The following PIP4K2A variants were observed in gnomAD, a reference collection of about 807,000 sequenced individuals.
PIP4K2A encodes the protein phosphatidylinositol 5-phosphate 4-kinase type-2 alpha.
Under a neutral mutation model 42.9 loss-of-function variants are expected in PIP4K2A, and 14 were observed. That is an observed-to-expected ratio of 0.33 (90% CI 0.22 to 0.51). PIP4K2A has a LOEUF of 0.51. Ranked by LOEUF, PIP4K2A falls within the 20% of genes least tolerant of loss-of-function variation. The pLI, the probability that PIP4K2A is intolerant of heterozygous loss-of-function variation, is 0.97. For synonymous variants in PIP4K2A, 192 were observed against 192.2 expected, an observed-to-expected ratio of 1.00 and a Z score of 0.01; for missense variants, 434 against 519.8, an observed-to-expected ratio of 0.83 and a Z score of 1.61.
chr10:22,636,263 G>C (rs1051007738), intron 1 of PIP4K2A, among the ~76,000 whole-genome samples: 1 of 152,032 alleles, frequency 6.6e-6, no homozygotes, highest in Non-Finnish European at 1.5e-5. Context: ...TTTATTTTTA[G>C]TTTTTAAAGA....
At chr10:22,688,596 G>A (rs1839804313) in intron 1 of PIP4K2A, among the ~76,000 whole-genome samples, 1 of 152,068 alleles carries the variant, frequency 6.6e-6, no homozygotes, top group South Asian at 2.1e-4. Flanking sequence ...GAGACTACAG[G>A]CACTCACCAC....
intron 2 of PIP4K2A, among the ~76,000 whole-genome samples, chr10:22,608,358 G>A (rs1042238963): frequency 6.6e-6 from 1 of 152,168 alleles, no homozygotes; most frequent in African/African-American, 2.4e-5. Context: ...ACAATGGCGG[G>A]AGAGTGAGTT....
rs1835915336 is a variant in PIP4K2A, at chr10:22,536,259, A to G, written c.*942T>C. On this transcript the variant is annotated 3_prime_UTR_variant, in exon 10 of 10. Transcript: ENST00000376573. ...TTTGCTGGTTTTCCCACAGTGGGAG[A>G]TGTAGATACCATTGCCCCAAACTAT... 2.5e-6 allele frequency: 1 copy of G among 396,906 alleles called. No individual in the cohort carries two copies. The highest frequency in any genetic ancestry group is 4.4e-5 in the Admixed American group (1 of 22,690). The allele number at this position is 396,906 out of a possible 1,614,324, so 24.6% of individuals were successfully genotyped here. A position where few individuals can be genotyped will look rare whatever the true frequency, so the allele number is the denominator to read the frequency against.
intron 1 of PIP4K2A, among the ~76,000 whole-genome samples, chr10:22,685,805 C>A (rs1199608441): frequency 6.6e-6 from 1 of 152,178 alleles, no homozygotes; most frequent in African/African-American, 2.4e-5. Context: ...TATCACTCGT[C>A]TGGTGCCATG....
chr10:22,685,613 G>A (rs543780148), intron 1 of PIP4K2A, among the ~76,000 whole-genome samples: 26 of 152,236 alleles, frequency 1.7e-4, no homozygotes, highest in African/African-American at 5.3e-4. Flanking sequence ...ACCCAGGGGG[G>A]CTAAGGCTGA....
intron 1 of PIP4K2A, among the ~76,000 whole-genome samples, chr10:22,656,084 T>A (rs1193642384): frequency 6.6e-6 from 1 of 152,202 alleles, no homozygotes; most frequent in Non-Finnish European, 1.5e-5. Context: ...CTTGCTGCCA[T>A]CCTCCTCTCA....
At chr10:22,686,820 G>T (rs1240103839) in intron 1 of PIP4K2A, among the ~76,000 whole-genome samples, 1 of 152,084 alleles carries the variant, frequency 6.6e-6, no homozygotes, top group African/African-American at 2.4e-5. Flanking sequence ...TACAAAGTAG[G>T]TAACATTTCA....
Position 22,706,987 on chromosome 10 carries a change from TA to T in PIP4K2A, c.144+7195del, listed in dbSNP as rs376971797. On this transcript the variant is annotated intron_variant, in intron 1 of 9. Transcript: ENST00000376573. ...TGCTACCTCTTAGCATTTAAGATATTAAAAAAAAAAATAGGATAGGCATGGT... is the reference window on the plus strand; with the variant it reads ...TGCTACCTCTTAGCATTTAAGATATTAAAAAAAAAATAGGATAGGCATGGT... Among the ~76,000 whole-genome samples the T allele has an allele frequency of 9.9e-3, 1,463 of 147,536 alleles. 9 individuals are homozygous for T. Among genetic ancestry groups the T allele is most frequent in the Non-Finnish European group, 0.012 (806 of 66,434 alleles).
At chr10:22,598,828 C>G (rs924762281) in intron 3 of PIP4K2A, among the ~76,000 whole-genome samples, 1 of 152,082 alleles carries the variant, frequency 6.6e-6, no homozygotes, top group Non-Finnish European at 1.5e-5. Flanking sequence ...AGGGAATGGA[C>G]GATGATTTAC....
At chr10:22,556,981 T>C (rs1836567945) in intron 6 of PIP4K2A, among the ~76,000 whole-genome samples, 1 of 152,194 alleles carries the variant, frequency 6.6e-6, no homozygotes, top group Non-Finnish European at 1.5e-5. Flanking sequence ...ACAACATGAA[T>C]GTGCGAAGTG....
At chr10:22,664,729 T>C (rs1839315898) in intron 1 of PIP4K2A, among the ~76,000 whole-genome samples, 2 of 152,140 alleles carry the variant, frequency 1.3e-5, no homozygotes, top group Non-Finnish European at 2.9e-5. Context: ...CATTTAGCTG[T>C]ATGCTTTCAG....
chr10:22,663,491 C>T (rs1839248143), intron 1 of PIP4K2A, among the ~76,000 whole-genome samples: 1 of 152,130 alleles, frequency 6.6e-6, no homozygotes, highest in African/African-American at 2.4e-5. Flanking sequence ...AACACATGTT[C>T]ATTGCAGAAA....
At chr10:22,694,821 A>G (rs1275121067) in intron 1 of PIP4K2A, among the ~76,000 whole-genome samples, 1 of 152,180 alleles carries the variant, frequency 6.6e-6, no homozygotes, top group Non-Finnish European at 1.5e-5. Context: ...ATAAATGTAA[A>G]AAGTTTTTTA....
chr10:22,713,385 T>C (rs1833949770), intron 1 of PIP4K2A, among the ~76,000 whole-genome samples: 1 of 151,492 alleles, frequency 6.6e-6, no homozygotes, highest in Non-Finnish European at 1.5e-5. Flanking sequence ...GACCCCCGCC[T>C]GCTGTCCCCG....
chr10:22,647,103 G>A (rs570431365), intron 1 of PIP4K2A, among the ~76,000 whole-genome samples: 1 of 152,228 alleles, frequency 6.6e-6, no homozygotes, highest in South Asian at 2.1e-4. Context: ...TTTTAAATGA[G>A]GCTTTATTGC....
chr10:22,591,889 A>G (rs1193365904), intron 3 of PIP4K2A, 108 bp from the exon 4 acceptor site: 3 of 963,308 alleles, frequency 3.1e-6, no homozygotes, highest in Non-Finnish European at 4.5e-6. Flanking sequence ...TTTCAAAAAC[A>G]TTTGTGTGTG....
At chr10:22,704,359 T>A (rs933727283) in intron 1 of PIP4K2A, among the ~76,000 whole-genome samples, 1 of 152,040 alleles carries the variant, frequency 6.6e-6, no homozygotes, top group Non-Finnish European at 1.5e-5. Flanking sequence ...CTTGAGCAGT[T>A]TCCTAGGTGT....
rs1250940449 is a variant in PIP4K2A, at chr10:22,535,842, C to T, written c.*1359G>A. On this transcript the variant is annotated 3_prime_UTR_variant, in exon 10 of 10. Coordinates refer to ENST00000376573, the MANE Select transcript of PIP4K2A (RefSeq NM_005028.5). ...TTCATAAACCAGACTGGGGCGAAAT[C>T]TCTTTTTAAAAAAATCAATCATTAG... 3.0e-6 allele frequency: 1 copy of T among 332,868 alleles called. No homozygotes were observed. Among genetic ancestry groups the T allele is most frequent in the East Asian group, 4.3e-5 (1 of 23,086 alleles). The allele number at this position is 332,868 out of a possible 1,614,324, so 20.6% of individuals were successfully genotyped here.
intron 1 of PIP4K2A, among the ~76,000 whole-genome samples, chr10:22,678,431 C>A (rs1022016231): frequency 6.6e-6 from 1 of 152,096 alleles, no homozygotes; most frequent in Admixed American, 6.6e-5. Context: ...TTCTTAGTGG[C>A]TATTTCCCAA....
Sources: gnomAD v4.1 joint callset for allele counts (sites outside exome capture counted in the v4.1 genomes callset) on GRCh38, gnomAD v4.1.1 for gene constraint, MANE v1.5 for transcripts, NCBI Gene and HGNC (gene_info 2026-07-23, HGNC 2026-07-21) for gene names.